Variants in GRID1 observed in about 807,000 individuals in gnomAD.
GRID1 encodes glutamate ionotropic receptor delta type subunit 1.
In GRID1, 28 loss-of-function variants were observed where a neutral mutation model predicts 98.0. The ratio of observed to expected loss-of-function variants is 0.29; its 90% CI spans 0.21 to 0.39. The LOEUF (loss-of-function observed/expected upper bound fraction) is 0.39. Ranked by LOEUF, GRID1 falls within the 10% of genes least tolerant of loss-of-function variation. The probability of loss-of-function intolerance (pLI) is 1.00; values close to 1 mark genes in which losing one functional copy is unlikely to be tolerated. For synonymous variants in GRID1, 553 were observed against 538.5 expected, an observed-to-expected ratio of 1.03 and a Z score of -0.37; for missense variants, 1,111 against 1,340.5, an observed-to-expected ratio of 0.83 and a Z score of 2.67.
intron 6 of GRID1, among the ~76,000 whole-genome samples, chr10:85,865,220 T>C (rs1843203682): frequency 6.6e-6 from 1 of 152,160 alleles, no homozygotes; most frequent in African/African-American, 2.4e-5. Context: ...TAAACAACAG[T>C]GCTGCATGCT....
At chr10:86,186,752 T>C (rs1394823980) in intron 3 of GRID1, among the ~76,000 whole-genome samples, 1 of 152,190 alleles carries the variant, frequency 6.6e-6, no homozygotes, top group Non-Finnish European at 1.5e-5. Flanking sequence ...TGCTTCTTCT[T>C]TCCTGTCCCC....
At position 86,088,337 on chromosome 10, in the gene GRID1, T is replaced by C. The variant is rs1414655885; in HGVS notation, c.726+50482A>G. 2.0e-5 allele frequency among the ~76,000 whole-genome samples: 3 copies of C among 152,186 alleles called. No homozygotes were observed. The East Asian group carries it at 5.8e-4, about 29-fold the overall frequency. ...GAGAGAGAGAGAGAGATCACATCTG[T>C]TAATTCAGAACTAAATAAATATCCC... On this transcript the variant is annotated intron_variant, in intron 4 of 15. Transcript: ENST00000327946.
chr10:86,105,883 G>A (rs957193115), intron 4 of GRID1, among the ~76,000 whole-genome samples: 11 of 152,190 alleles, frequency 7.2e-5, no homozygotes, highest in African/African-American at 2.2e-4. Context: ...CTGAGGAGCC[G>A]CGATGGGGAG....
intron 3 of GRID1, among the ~76,000 whole-genome samples, chr10:86,185,734 C>G (rs1307368421): frequency 3.3e-5 from 5 of 152,108 alleles, no homozygotes; most frequent in Non-Finnish European, 7.4e-5. Flanking sequence ...CTTTTTAAGT[C>G]TATAATAATG....
chr10:86,312,565 G>GTGCCC (rs1847845199), intron 2 of GRID1, among the ~76,000 whole-genome samples: 1 of 152,244 alleles, frequency 6.6e-6, no homozygotes, highest in African/African-American at 2.4e-5. Flanking sequence ...AGTGAAATAG[G>GTGCCC]AAGCAGTGGG....
chr10:85,700,649 T>C (rs1041878847), intron 12 of GRID1, among the ~76,000 whole-genome samples: 2 of 152,150 alleles, frequency 1.3e-5, no homozygotes, highest in Non-Finnish European at 2.9e-5. Context: ...TTAGTAATTG[T>C]AAAGGAAATG....
chr10:85,889,937 A>T (rs556756667), intron 5 of GRID1, among the ~76,000 whole-genome samples: 1 of 152,240 alleles, frequency 6.6e-6, no homozygotes, highest in Non-Finnish European at 1.5e-5. Context: ...TAATGCACAT[A>T]TTCGGGGGTA....
chr10:86,234,288 A>G (rs1398762473), intron 2 of GRID1, among the ~76,000 whole-genome samples: 1 of 152,232 alleles, frequency 6.6e-6, no homozygotes, highest in Non-Finnish European at 1.5e-5. Context: ...AGAAACAAAC[A>G]TCGGGCACGT....
At chr10:86,030,001 C>T (rs1314108884) in intron 4 of GRID1, among the ~76,000 whole-genome samples, 1 of 152,194 alleles carries the variant, frequency 6.6e-6, no homozygotes, top group South Asian at 2.1e-4. Context: ...CATGGTAGCA[C>T]CTTCTAACTG....
chr10:86,166,017 ACGGCT>A (rs1348610963), intron 3 of GRID1, among the ~76,000 whole-genome samples: 1 of 152,338 alleles, frequency 6.6e-6, no homozygotes, highest in East Asian at 1.9e-4. Context: ...CACATTCATT[ACGGCT>A]TGGCTAACTA....
chr10:85,917,485 T>G (rs1841637347), intron 4 of GRID1, among the ~76,000 whole-genome samples: 1 of 152,200 alleles, frequency 6.6e-6, no homozygotes, highest in South Asian at 2.1e-4. Flanking sequence ...CAAATAGATA[T>G]CAGACAAGTG....
intron 3 of GRID1, among the ~76,000 whole-genome samples, chr10:86,155,287 C>A (rs1218915361): frequency 1.3e-5 from 2 of 152,236 alleles, no homozygotes; most frequent in African/African-American, 4.8e-5. Flanking sequence ...TGGCTGTCGA[C>A]GGCCAACCTG....
intron 8 of GRID1, among the ~76,000 whole-genome samples, chr10:85,778,366 G>T (rs1252738901): frequency 6.6e-6 from 1 of 152,102 alleles, no homozygotes; most frequent in Non-Finnish European, 1.5e-5. Flanking sequence ...GTTGAGAGGT[G>T]GGGACAGCAT....
intron 2 of GRID1, among the ~76,000 whole-genome samples, chr10:86,359,033 C>G (rs572122670): frequency 6.6e-6 from 1 of 152,282 alleles, no homozygotes; most frequent in African/African-American, 2.4e-5. Context: ...TCCAGAAGGA[C>G]CCAGATTTTA....
At chr10:85,794,122 G>A (rs1016065243) in intron 8 of GRID1, among the ~76,000 whole-genome samples, 1 of 152,154 alleles carries the variant, frequency 6.6e-6, no homozygotes, top group Non-Finnish European at 1.5e-5. Context: ...TAATCTCTCT[G>A]TCAGAACAGG....
At chr10:85,861,355 C>T (rs1283886653) in intron 6 of GRID1, among the ~76,000 whole-genome samples, 1 of 152,222 alleles carries the variant, frequency 6.6e-6, no homozygotes, top group African/African-American at 2.4e-5. Flanking sequence ...TCCCTGGCCT[C>T]CTCCAGGCCC....
chr10:86,299,331 C>CTT (rs58039910), intron 2 of GRID1, among the ~76,000 whole-genome samples: 90,096 of 145,178 alleles, frequency 0.62, 29,916 homozygotes, highest in Admixed American at 0.74. Flanking sequence ...TTCTCTATTT[C>CTT]TTTTTTTTTT....
At chr10:86,021,367 C>A (rs149192910) in intron 4 of GRID1, among the ~76,000 whole-genome samples, 2 of 152,062 alleles carry the variant, frequency 1.3e-5, no homozygotes, top group Admixed American at 6.5e-5. Context: ...CAGCAGACAC[C>A]GCCCCTGATG....
At chr10:85,918,818 A>G (rs937057937) in intron 4 of GRID1, among the ~76,000 whole-genome samples, 1 of 152,326 alleles carries the variant, frequency 6.6e-6, no homozygotes, top group African/African-American at 2.4e-5. Context: ...GCAGAAGGTG[A>G]GCAGTGCTCT....
Sources: gnomAD v4.1 joint callset for allele counts (sites outside exome capture counted in the v4.1 genomes callset) on GRCh38, gnomAD v4.1.1 for gene constraint, MANE v1.5 for transcripts, NCBI Gene and HGNC (gene_info 2026-07-23, HGNC 2026-07-21) for gene names.